The following NRXN1 variants were observed in gnomAD, a reference collection of about 807,000 sequenced individuals.
NRXN1 encodes neurexin 1, also known as neurexin-1.
Under a neutral mutation model 150.9 loss-of-function variants are expected in NRXN1, and 39 were observed. The observed-to-expected ratio is 0.26, with a 90% CI of 0.20 to 0.34. NRXN1 has a LOEUF of 0.34. Among genes scored for constraint, NRXN1 ranks in the 10% least tolerant of loss-of-function variants. The pLI is 1.00. For missense variants in NRXN1, 1,815 were observed against 1,949.9 expected, an observed-to-expected ratio of 0.93 and a Z score of 1.30; for synonymous variants, 924 against 757.0, an observed-to-expected ratio of 1.22 and a Z score of -3.62.
intron 17 of NRXN1, among the ~76,000 whole-genome samples, chr2:50,294,688 G>A (rs149762101): frequency 3.2e-4 from 48 of 152,276 alleles, no homozygotes; most frequent in Middle Eastern, 3.4e-3. Context: ...AACCCTGAAG[G>A]ATGAGGTACA....
At chr2:50,418,242 A>T (rs933719646) in intron 17 of NRXN1, among the ~76,000 whole-genome samples, 8 of 152,034 alleles carry the variant, frequency 5.3e-5, no homozygotes, top group African/African-American at 1.9e-4. Context: ...AGCAAGCAGG[A>T]ATCTCCACTG....
At chr2:50,001,542 A>G (rs770346945) in intron 21 of NRXN1, among the ~76,000 whole-genome samples, 1 of 152,164 alleles carries the variant, frequency 6.6e-6, no homozygotes, top group Non-Finnish European at 1.5e-5. Flanking sequence ...TCGCATTCAC[A>G]TACCTATTCT....
At chr2:50,949,110 T>C (rs1011790937) in intron 2 of NRXN1, among the ~76,000 whole-genome samples, 2 of 152,048 alleles carry the variant, frequency 1.3e-5, no homozygotes, top group Non-Finnish European at 2.9e-5. Flanking sequence ...CTATTAAAAG[T>C]TGAGTGAGAG....
intron 17 of NRXN1, among the ~76,000 whole-genome samples, chr2:50,426,336 A>G (rs1360084498): frequency 6.6e-6 from 1 of 152,188 alleles, no homozygotes; most frequent in Admixed American, 6.5e-5. Flanking sequence ...AGTCTAGATG[A>G]CTTTTATTAA....
chr2:50,849,205 T>C (rs1452885810), intron 5 of NRXN1, among the ~76,000 whole-genome samples: 1 of 152,214 alleles, frequency 6.6e-6, no homozygotes, highest in African/African-American at 2.4e-5. Context: ...GGTCTTAACC[T>C]TCCCTTCAAC....
chr2:50,965,215 TAACTA>T (rs1693870882), intron 2 of NRXN1, among the ~76,000 whole-genome samples: 1 of 151,398 alleles, frequency 6.6e-6, no homozygotes, highest in Non-Finnish European at 1.5e-5. Context: ...ATGCAATACA[TAACTA>T]TTTGATTGCA....
chr2:50,613,453 A>G (rs953882145), intron 8 of NRXN1, among the ~76,000 whole-genome samples: 4 of 152,218 alleles, frequency 2.6e-5, no homozygotes, highest in African/African-American at 9.6e-5. Flanking sequence ...CATACTGTAT[A>G]GTGCATACTG....
intron 18 of NRXN1, among the ~76,000 whole-genome samples, chr2:50,123,122 T>C (rs937678187): frequency 6.6e-6 from 1 of 152,194 alleles, no homozygotes; most frequent in Admixed American, 6.5e-5. Flanking sequence ...ATGCCAGGGA[T>C]ACAGTAGTGA....
chr2:50,913,407 C>G (rs1161039896), intron 5 of NRXN1, among the ~76,000 whole-genome samples: 1 of 151,674 alleles, frequency 6.6e-6, no homozygotes, highest in Non-Finnish European at 1.5e-5. Flanking sequence ...TGTCTACAGA[C>G]TTTATAATGC....
At position 50,949,499 on chromosome 2, in the gene NRXN1, G is replaced by T. The variant is rs561590866; in HGVS notation, c.773-23544C>A. 3.9e-5 allele frequency among the ~76,000 whole-genome samples: 6 copies of T among 152,066 alleles called. No homozygotes were observed. The South Asian group carries it at 1.0e-3, about 26-fold the overall frequency. ...AATGAGGAATACAAGGGACAGAGAA[G>T]GCCACAATTCTGATACAATAATTCT... On this transcript the variant is annotated intron_variant, in intron 2 of 22. Transcript: ENST00000401669.
intron 19 of NRXN1, among the ~76,000 whole-genome samples, chr2:50,063,903 C>G (rs938325950): frequency 2.0e-5 from 3 of 151,992 alleles, no homozygotes; most frequent in Admixed American, 6.6e-5. Flanking sequence ...TGAACCCATA[C>G]AGTTATGCAA....
At chr2:50,892,516 A>G (rs78808408) in intron 5 of NRXN1, among the ~76,000 whole-genome samples, 11,067 of 152,184 alleles carry the variant, frequency 0.073, 524 homozygotes, top group East Asian at 0.2. Context: ...TTACAGAGGC[A>G]GTAATACTCA....
intron 8 of NRXN1, chr2:50,619,551 G>C (rs978500783): frequency 1.6e-5 from 3 of 186,906 alleles, no homozygotes; most frequent in African/African-American, 7.0e-5. Flanking sequence ...AGAAAATTAT[G>C]TCATTATATA....
chr2:50,575,817 CAGTAG>C (rs984714591), intron 8 of NRXN1, among the ~76,000 whole-genome samples: 12 of 152,096 alleles, frequency 7.9e-5, no homozygotes, highest in African/African-American at 2.9e-4. Flanking sequence ...TTCCCTTTTA[CAGTAG>C]AGCTATTTCA....
Position 50,102,196 on chromosome 2 carries a change from A to C in NRXN1, c.3547-10702T>G, listed in dbSNP as rs114632862. Among the ~76,000 whole-genome samples the C allele has an allele frequency of 2.4e-3, 369 of 152,114 alleles. 1 individual carries two copies. The highest frequency in any genetic ancestry group is 8.2e-3 in the African/African-American group (339 of 41,534). ...ATCTCTAAGGCAGAAATTCCTAATG[A>C]TTATAACTTTTTTCATCTTCACAAA... On this transcript the variant is annotated intron_variant, in intron 18 of 22. Transcript: ENST00000401669.
In NRXN1 at chr2:50,170,837, G is replaced by T. The variant is rs184151748; in HGVS notation, c.3546+65952C>A. On this transcript the variant is annotated intron_variant, in intron 18 of 22. Transcript: ENST00000401669. Reference sequence around the variant, plus strand: ...GCCCTTGAACAATGTGGGGGTTGGGGTACCCATACACTCTCAGTTGAAAAT... The same window carrying T: ...GCCCTTGAACAATGTGGGGGTTGGGTTACCCATACACTCTCAGTTGAAAAT... Among the ~76,000 whole-genome samples, 41 of 150,194 alleles carry T rather than the reference G, an allele frequency of 2.7e-4. 1 individual carries two copies. In the East Asian group the frequency reaches 7.7e-3, roughly 28 times the overall value.
intron 18 of NRXN1, among the ~76,000 whole-genome samples, chr2:50,180,816 C>A (rs1171742373): frequency 1.3e-5 from 2 of 152,080 alleles, no homozygotes; most frequent in African/African-American, 2.4e-5. Context: ...CTAGAGACAT[C>A]TCCTTTTAAA....
intron 8 of NRXN1, among the ~76,000 whole-genome samples, chr2:50,556,348 T>C (rs987181820): frequency 2.0e-5 from 3 of 152,104 alleles, no homozygotes; most frequent in Admixed American, 6.6e-5. Context: ...CACCTTATAA[T>C]TATTCATATA....
chr2:50,891,477 A>C (rs1343086407), intron 5 of NRXN1, among the ~76,000 whole-genome samples: 2 of 152,062 alleles, frequency 1.3e-5, no homozygotes, highest in African/African-American at 4.8e-5. Context: ...TTTATTATAC[A>C]ATCTGATATA....
Sources: allele counts gnomAD v4.1 joint callset (sites outside exome capture counted in the v4.1 genomes callset), GRCh38; gene constraint gnomAD v4.1.1; transcripts MANE v1.5; gene names NCBI Gene and HGNC (gene_info 2026-07-23, HGNC 2026-07-21).